MGST2: variants seen among roughly 807,000 people sequenced by gnomAD.
MGST2 encodes glutathione peroxidase MGST2.
A neutral mutation model predicts 16.6 loss-of-function variants in MGST2; 9 were observed. The observed-to-expected ratio is 0.54, with a 90% confidence interval of 0.33 to 0.95. The LOEUF (loss-of-function observed/expected upper bound fraction) is 0.95, where lower values mean the gene tolerates loss of function less well. MGST2 is among the 40% of genes least tolerant of loss of function. The probability of loss-of-function intolerance (pLI) is 0.03; values close to 1 mark genes in which losing one functional copy is unlikely to be tolerated. For missense variants in MGST2, 159 were observed against 175.1 expected (o/e 0.91, Z 0.52); for synonymous variants, 79 against 68.0 (o/e 1.16, Z -0.79).
chr4:139,720,558 C>T (rs930262793), intron 5 of MGST2, among the ~76,000 whole-genome samples: 1 of 152,238 alleles, frequency 6.6e-6, no homozygotes, highest in African/African-American at 2.4e-5. Flanking sequence ...TGAAATCCCA[C>T]TATCCAGAGA....
chr4:139,697,471 ACTT>A (rs1377089532), intron 3 of MGST2, among the ~76,000 whole-genome samples: 3 of 152,138 alleles, frequency 2.0e-5, no homozygotes, highest in Non-Finnish European at 4.4e-5. Context: ...TAAAAGCTAA[ACTT>A]CTTTCTAAAA....
At chr4:139,697,143 T>A (rs1482132918) in intron 3 of MGST2, among the ~76,000 whole-genome samples, 1 of 152,142 alleles carries the variant, frequency 6.6e-6, no homozygotes, top group African/African-American at 2.4e-5. Flanking sequence ...GTGCTGTTTA[T>A]CTTTTTCCTT....
chr4:139,751,338 G>A, the MGST2 span, among the ~76,000 whole-genome samples: 3 of 152,158 alleles, frequency 2.0e-5, no homozygotes, highest in African/African-American at 7.2e-5. Context: ...TGGAATATTT[G>A]CATATATATA....
chr4:139,725,460 C>A (rs531281228), intron 5 of MGST2, among the ~76,000 whole-genome samples: 5 of 152,254 alleles, frequency 3.3e-5, no homozygotes, highest in Admixed American at 3.3e-4. Flanking sequence ...ATACTATGTA[C>A]CTTTGGTAAA....
chr4:139,702,028 C>T (rs1455238003), intron 3 of MGST2, among the ~76,000 whole-genome samples: 3 of 151,970 alleles, frequency 2.0e-5, no homozygotes, highest in Admixed American at 2.0e-4. Context: ...TAGCATATCG[C>T]AGTCCCACAC....
At chr4:139,742,140 TTTTC>T (rs556332141), downstream of MGST2, among the ~76,000 whole-genome samples, 909 of 89,038 alleles carry the variant, frequency 0.01, 9 homozygotes, top group African/African-American at 0.037. Flanking sequence ...TAAACTTTTC[TTTTC>T]TTTTCTTTTT....
the MGST2 span, among the ~76,000 whole-genome samples, chr4:139,747,641 C>G: frequency 2.6e-5 from 4 of 151,476 alleles, no homozygotes; most frequent in Admixed American, 2.6e-4. Flanking sequence ...TTACAGTGAG[C>G]CGAGATAGTG....
At chr4:139,685,693 T>G (rs1226339208) in intron 2 of MGST2, among the ~76,000 whole-genome samples, 3 of 152,208 alleles carry the variant, frequency 2.0e-5, no homozygotes, top group Non-Finnish European at 4.4e-5. Context: ...AGACAGAATC[T>G]CACTCTGTCG....
intron 5 of MGST2, among the ~76,000 whole-genome samples, chr4:139,720,635 T>G (rs1478796974): frequency 6.6e-6 from 1 of 152,254 alleles, no homozygotes; most frequent in Admixed American, 6.5e-5. Flanking sequence ...GTACTGTGCA[T>G]GTGTTTTTGT....
intron 5 of MGST2, chr4:139,716,794 A>AAAG (rs1446780221): frequency 6.6e-6 from 1 of 152,540 alleles, no homozygotes; most frequent in African/African-American, 2.4e-5. Context: ...GTTTTCTTTA[A>AAAG]AAGTGGTATG....
the MGST2 span, among the ~76,000 whole-genome samples, chr4:139,749,272 T>C: frequency 3.3e-5 from 5 of 152,264 alleles, no homozygotes; most frequent in East Asian, 9.6e-4. Flanking sequence ...TTAACACAGA[T>C]TTCAAAAACA....
At chr4:139,677,285 A>C (rs1032627145) in intron 1 of MGST2, among the ~76,000 whole-genome samples, 3 of 152,232 alleles carry the variant, frequency 2.0e-5, no homozygotes, top group Admixed American at 1.3e-4. Flanking sequence ...ACATGTGCCC[A>C]AGATGGTCAG....
chr4:139,691,245 A>G (rs1225298686), intron 2 of MGST2, among the ~76,000 whole-genome samples: 1 of 152,208 alleles, frequency 6.6e-6, no homozygotes, highest in Non-Finnish European at 1.5e-5. Context: ...ATTGACAGCT[A>G]CTGCAGGCTG....
At chr4:139,706,927 A>G (rs535915615), downstream of MGST2, among the ~76,000 whole-genome samples, 8 of 152,356 alleles carry the variant, frequency 5.3e-5, no homozygotes, top group South Asian at 1.7e-3. Flanking sequence ...TTTTTTGTAT[A>G]TTACTAAATT....
rs564521245 is a variant in MGST2, at chr4:139,685,365, A to T, written c.158+6723A>T. 14 of 162,700 alleles carry T rather than the reference A, an allele frequency of 8.6e-5. No homozygotes were observed. The Admixed American group carries it at 9.1e-4, about 11-fold the overall frequency. 10.1% of individuals were successfully genotyped at this position (162,700 alleles called of 1,614,324 possible). ...GAACACCCGCCTAGCCAGCCAGATCAGCCGAATCAACCCTGGCAATTGATG... is the reference window on the plus strand; with the variant it reads ...GAACACCCGCCTAGCCAGCCAGATCTGCCGAATCAACCCTGGCAATTGATG... On this transcript the variant is annotated intron_variant, in intron 2 of 4. Transcript: ENST00000265498.
At chr4:139,750,004 G>A in the MGST2 span, among the ~76,000 whole-genome samples, 7 of 151,766 alleles carry the variant, frequency 4.6e-5, no homozygotes, top group Admixed American at 2.6e-4. Context: ...GATTATTCAT[G>A]TCACTAGAGT....
Position 139,678,613 on chromosome 4 carries a change from A to C in MGST2, c.129A>C (p.Ser43=), listed in dbSNP as rs202230584. 1.2e-5 allele frequency: 20 copies of C among 1,614,066 alleles called. No individual in the cohort carries two copies. In the East Asian group the frequency reaches 4.0e-4, roughly 32 times the overall value. The stretch of plus-strand genomic sequence containing the variant: ...TTACGCCCCCAGCAGTCACTGGGTC[A>C]CCAGAGTTTGAGAGAGTATTTCGGG... ...YKVTPPAVTG[S]PEFERVFRAQ... The change falls in exon 2 of 5, where the codon TCA becomes TCC. Residue 43 remains serine, a synonymous_variant. Coordinates refer to ENST00000265498, the MANE Select transcript of MGST2 (RefSeq NM_002413.5).
chr4:139,723,226 T>A (rs1437210228), intron 5 of MGST2, among the ~76,000 whole-genome samples: 1 of 152,240 alleles, frequency 6.6e-6, no homozygotes, highest in Non-Finnish European at 1.5e-5. Context: ...TTTGTGGGTG[T>A]CTATTTATAT....
chr4:139,718,577 AC>A (rs1019193408), intron 5 of MGST2: 42 of 152,560 alleles, frequency 2.8e-4, no homozygotes, highest in African/African-American at 9.9e-4. Flanking sequence ...AGGGACTGCC[AC>A]CAGGGGCACC....
Sources: gnomAD v4.1 joint callset for allele counts (sites outside exome capture counted in the v4.1 genomes callset) on GRCh38, gnomAD v4.1.1 for gene constraint, MANE v1.5 for transcripts, NCBI Gene and HGNC (gene_info 2026-07-23, HGNC 2026-07-21) for gene names.